Variants in VMA12 observed in about 807,000 individuals in gnomAD.
The protein encoded by VMA12 is vacuolar ATPase assembly factor VMA12, also known as vacuolar ATPase assembly protein VMA12.
At chr17:28,357,672 T>G in the VMA12 span, 1 of 1,612,102 alleles carries the variant, frequency 6.2e-7, no homozygotes, top group Non-Finnish European at 8.5e-7. Context: ...CGGCTAGATA[T>G]GGCGTCCTCT....
chr17:28,360,393 A>G, the VMA12 span: 1 of 813,750 alleles, frequency 1.2e-6, no homozygotes, highest in Non-Finnish European at 2.0e-6. Flanking sequence ...AAAAGAGTCA[A>G]AATGGTTCCA....
chr17:28,361,239 T>A, the VMA12 span: 1 of 1,614,104 alleles, frequency 6.2e-7, no homozygotes, highest in Non-Finnish European at 8.5e-7. Flanking sequence ...GAAGGCGAGC[T>A]GGGAGAACTG....
chr17:28,359,137 A>G, the VMA12 span: 1 of 950,070 alleles, frequency 1.1e-6, no homozygotes, highest in Admixed American at 2.8e-5. Context: ...CCTCCCCATC[A>G]GCTGTTTGGA....
At chr17:28,358,346 G>T in the VMA12 span, 2 of 466,578 alleles carry the variant, frequency 4.3e-6, no homozygotes, top group African/African-American at 4.0e-5. Context: ...GATCTGGCCT[G>T]AGAGTAGCAT....
chr17:28,360,907 G>A, the VMA12 span: 1 of 1,433,950 alleles, frequency 7.0e-7, no homozygotes, highest in Non-Finnish European at 9.8e-7. Context: ...GGTAAGGGAG[G>A]ACGTATGTGA....
chr17:28,359,405 G>A, the VMA12 span: 3 of 1,613,910 alleles, frequency 1.9e-6, no homozygotes, highest in African/African-American at 2.7e-5. Flanking sequence ...CACTTGTCAG[G>A]TAAGGACATG....
chr17:28,358,315 A>T, the VMA12 span: 1 of 434,952 alleles, frequency 2.3e-6, no homozygotes, highest in East Asian at 7.2e-5. Flanking sequence ...TTAATATAGG[A>T]TGGCAAAAGC....
At chr17:28,361,574 G>A in the VMA12 span, 1 of 290,394 alleles carries the variant, frequency 3.4e-6, no homozygotes. Context: ...TCCATCAGGA[G>A]CAAATGGAAT....
At chr17:28,359,086 T>G in the VMA12 span, 1 of 1,275,534 alleles carries the variant, frequency 7.8e-7, no homozygotes. Flanking sequence ...CTTGAAAAAT[T>G]GTTTTTGAAA....
the VMA12 span, chr17:28,357,909 C>A: frequency 5.0e-6 from 8 of 1,611,668 alleles, no homozygotes; most frequent in Non-Finnish European, 6.8e-6. Flanking sequence ...GTCCGGGGTC[C>A]CCTCCTTGTG....
the VMA12 span, chr17:28,361,035 CTT>C: frequency 9.7e-7 from 1 of 1,032,900 alleles, no homozygotes; most frequent in Non-Finnish European, 1.5e-6. Context: ...GCCACATTCT[CTT>C]TTCTTCCCCT....
the VMA12 span, chr17:28,358,887 A>G: frequency 4.4e-6 from 7 of 1,589,532 alleles, no homozygotes; most frequent in Non-Finnish European, 6.0e-6. Flanking sequence ...CTCGTGGATC[A>G]TTGTGTTTGT....
chr17:28,358,195 T>C, the VMA12 span: 1 of 423,960 alleles, frequency 2.4e-6, no homozygotes, highest in South Asian at 2.2e-5. Context: ...CTTCTTTTTC[T>C]CCACTTTAGG....
chr17:28,361,220 C>T, the VMA12 span: 10 of 1,613,926 alleles, frequency 6.2e-6, no homozygotes, highest in East Asian at 4.5e-5. Context: ...TGTCATGGTG[C>T]GGGCAATGGA....
chr17:28,361,146 C>T, the VMA12 span: 5 of 1,613,846 alleles, frequency 3.1e-6, no homozygotes, highest in East Asian at 1.1e-4. Flanking sequence ...CCTGGTTCTC[C>T]CCATCTCCAG....
chr17:28,359,371 A>C, the VMA12 span: 31 of 1,614,038 alleles, frequency 1.9e-5, no homozygotes, highest in Admixed American at 3.3e-5. Flanking sequence ...CCAATGAGGA[A>C]TATAAACGGA....
At chr17:28,358,922 A>G in the VMA12 span, 1 of 1,609,074 alleles carries the variant, frequency 6.2e-7, no homozygotes, top group Non-Finnish European at 8.5e-7. Flanking sequence ...TCAGATTCCA[A>G]ACTATACCTC....
At chr17:28,358,610 T>C in the VMA12 span, 37 of 484,934 alleles carry the variant, frequency 7.6e-5, no homozygotes, top group Middle Eastern at 9.0e-4. Context: ...CCTAAACTTA[T>C]TTAGGGAAGA....
chr17:28,357,800 G>A, the VMA12 span: 1 of 1,614,046 alleles, frequency 6.2e-7, no homozygotes, highest in Non-Finnish European at 8.5e-7. Context: ...GAAGCACAAG[G>A]GCGGTGATAG....
Sources: gnomAD v4.1 joint callset for allele counts on GRCh38, gnomAD v4.1.1 for gene constraint, MANE v1.5 for transcripts, NCBI Gene and HGNC (gene_info 2026-07-23, HGNC 2026-07-21) for gene names.